MYPN: variants seen among roughly 807,000 people sequenced by gnomAD.
MYPN encodes the protein sarcomeric protein myopalladin, 145 kDa (MYOP).
A neutral mutation model predicts 129.4 loss-of-function variants in MYPN; 63 were observed. That is an observed-to-expected ratio of 0.49 (90% CI 0.40 to 0.60). MYPN has a LOEUF of 0.60. MYPN is among the 20% of genes least tolerant of loss of function. The pLI, the probability that MYPN is intolerant of heterozygous loss-of-function variation, is 0.00. For missense variants in MYPN, 1,596 were observed against 1,635.4 expected, an observed-to-expected ratio of 0.98 and a Z score of 0.42; for synonymous variants, 629 against 600.9, an observed-to-expected ratio of 1.05 and a Z score of -0.68.
At chr10:68,110,680 T>G (rs563424635) in intron 1 of MYPN, among the ~76,000 whole-genome samples, 2 of 152,298 alleles carry the variant, frequency 1.3e-5, no homozygotes, top group South Asian at 4.1e-4. Context: ...TCCTTAATAA[T>G]AACAGCTCTT....
At chr10:68,148,194 T>C (rs140789202) in intron 4 of MYPN, among the ~76,000 whole-genome samples, 159 bp from the exon 5 acceptor site, 1 of 152,338 alleles carries the variant, frequency 6.6e-6, no homozygotes, top group Non-Finnish European at 1.5e-5. Context: ...ACAAAATGTG[T>C]AGCAAAAATG....
chr10:68,185,182 G>T (rs1228461120), intron 12 of MYPN, among the ~76,000 whole-genome samples: 1 of 150,462 alleles, frequency 6.6e-6, no homozygotes, highest in Non-Finnish European at 1.5e-5. Context: ...AGGAGGGAAG[G>T]AGGGAAGGAG....
chr10:68,189,047 A>G lies in MYPN; in HGVS notation c.2846A>G (p.Lys949Arg). Residue 949 changes from lysine to arginine, a missense_variant, in exon 13 of 20, where the codon AAG becomes AGG. Physicochemically the swap from Lys to Arg is conservative, Grantham distance 26. Coordinates refer to ENST00000358913, the MANE Select transcript of MYPN (RefSeq NM_032578.4). The part of the protein sequence containing the change: ...TGKCIAPIFD[K>R]RLKHFRVTEG... ...AAGTGTATTGCTCCCATCTTTGACA[A>G]GAGACTCAAGCACTTCCGGGTCACA... The G allele has an allele frequency of 6.2e-7, 1 of 1,614,158 alleles. No individual in the cohort carries two copies. The highest frequency in any genetic ancestry group is 8.5e-7 in the Non-Finnish European group (1 of 1,180,014).
At chr10:68,148,529 G>A in intron 5 of MYPN, 62 bp downstream of exon 5, 1 of 1,333,390 alleles carries the variant, frequency 7.5e-7, no homozygotes, top group South Asian at 1.2e-5. Flanking sequence ...TGGTGACCAT[G>A]ACCATCTTGC....
intron 2 of MYPN, among the ~76,000 whole-genome samples, chr10:68,137,849 A>C (rs182991040): frequency 6.6e-6 from 1 of 152,260 alleles, no homozygotes; most frequent in Non-Finnish European, 1.5e-5. Context: ...TAATTTGTCT[A>C]TCATTTGTTC....
intron 12 of MYPN, among the ~76,000 whole-genome samples, chr10:68,184,109 T>C (rs998316701): frequency 6.6e-6 from 1 of 152,206 alleles, no homozygotes; most frequent in Non-Finnish European, 1.5e-5. Flanking sequence ...TCTATAGACC[T>C]CAGGGACTGG....
chr10:68,118,480 G>A (rs957970741), intron 1 of MYPN, among the ~76,000 whole-genome samples: 1 of 152,170 alleles, frequency 6.6e-6, no homozygotes, highest in African/African-American at 2.4e-5. Flanking sequence ...CTCATTCCAT[G>A]TTGCCTCAGT....
chr10:68,172,447 C>G (rs927852272), intron 10 of MYPN, among the ~76,000 whole-genome samples: 1 of 152,220 alleles, frequency 6.6e-6, no homozygotes, highest in Non-Finnish European at 1.5e-5. Context: ...CGTGGTTACT[C>G]ATTCAACAGT....
chr10:68,132,060 A>G (rs145682121), intron 2 of MYPN, among the ~76,000 whole-genome samples: 398 of 152,296 alleles, frequency 2.6e-3, no homozygotes, highest in African/African-American at 9.2e-3. Flanking sequence ...TGTTGGACAG[A>G]AGTGTCTTTT....
intron 2 of MYPN, among the ~76,000 whole-genome samples, chr10:68,141,087 A>C (rs991861712): frequency 4.0e-5 from 6 of 151,426 alleles, no homozygotes; most frequent in African/African-American, 1.5e-4. Flanking sequence ...CCCCAAAAAA[A>C]GGGCCAGGCG....
chr10:68,147,547 T>A (rs2042688498), intron 4 of MYPN, among the ~76,000 whole-genome samples: 1 of 152,188 alleles, frequency 6.6e-6, no homozygotes, highest in Non-Finnish European at 1.5e-5. Context: ...TCTCATCCAG[T>A]CATCTATCCA....
rs191740222 is a variant in MYPN, at chr10:68,179,617, A to T, written c.2703+4156A>T. 1.8e-3 allele frequency among the ~76,000 whole-genome samples: 268 copies of T among 152,326 alleles called. 1 individual carries two copies. The highest frequency in any genetic ancestry group is 6.3e-3 in the African/African-American group (260 of 41,570). On this transcript the variant is annotated intron_variant, in intron 12 of 19. Transcript: ENST00000358913. ...TTATACCTCATTATGGATACTACCC[A>T]CTATGGTAACAATCCAACTTAATTA...
intron 10 of MYPN, among the ~76,000 whole-genome samples, chr10:68,168,207 T>A (rs2043083709): frequency 6.6e-6 from 1 of 152,134 alleles, no homozygotes. Context: ...TTCTATTTGG[T>A]TCAGGCTGAT....
At chr10:68,127,319 CTTTTTTTT>C (rs71470508) in intron 2 of MYPN, among the ~76,000 whole-genome samples, 3 of 72,540 alleles carry the variant, frequency 4.1e-5, no homozygotes, top group Non-Finnish European at 7.2e-5. Flanking sequence ...ACACATATAT[CTTTTTTTT>C]TTTTTTTTTT....
In MYPN at chr10:68,088,512, G is replaced by A. The variant is rs557007758; in HGVS notation, c.-2+520G>A. 3.3e-4 allele frequency among the ~76,000 whole-genome samples: 50 copies of A among 152,112 alleles called. 1 individual carries two copies. The highest frequency in any genetic ancestry group is 3.7e-4 in the Non-Finnish European group (25 of 68,012). The stretch of plus-strand genomic sequence containing the variant: ...AACTGGATCAGTGATAGATTTTTAC[G>A]TTGCACATGAATAACTCCCAGTCAG... On this transcript the variant is annotated intron_variant, in intron 1 of 6. Coordinates refer to the MYPN transcript ENST00000685154.
Position 68,211,190 on chromosome 10 carries a change from A to G in MYPN, c.*735A>G, listed in dbSNP as rs1409958370. 1 of 454,074 alleles carries G rather than the reference A, an allele frequency of 2.2e-6. No individual in the cohort carries two copies. Among genetic ancestry groups the G allele is most frequent in the Non-Finnish European group, 4.4e-6 (1 of 226,796 alleles). The allele number at this position is 454,074 out of a possible 1,614,324, so 28.1% of individuals were successfully genotyped here. ...GGTGACTGTTTTTTTCTGACTTTGC[A>G]TATCCCTAGACACTAGAACTAAAGG... On this transcript the variant is annotated 3_prime_UTR_variant, in exon 20 of 20. Coordinates refer to ENST00000358913, the MANE Select transcript of MYPN (RefSeq NM_032578.4).
chr10:68,152,143 C>T (rs771620708), intron 6 of MYPN, among the ~76,000 whole-genome samples: 16 of 152,106 alleles, frequency 1.1e-4, no homozygotes, highest in Admixed American at 2.6e-4. Context: ...TAGAAAGGAA[C>T]GTCTGGATTA....
chr10:68,093,172 C>T lies in MYPN; in HGVS notation c.-2+5180C>T, dbSNP rs532330490. On this transcript the variant is annotated intron_variant, in intron 1 of 6. Transcript: ENST00000685154. The stretch of plus-strand genomic sequence containing the variant: ...GAATTTTAGGCGTGAGCCACCAGGT[C>T]CAGCTGTCTACAACATTTTTACATG... Among the ~76,000 whole-genome samples, 28 of 152,238 alleles carry T rather than the reference C, an allele frequency of 1.8e-4. No homozygotes were observed. In the South Asian group the frequency reaches 5.2e-3, roughly 28 times the overall value.
intron 6 of MYPN, among the ~76,000 whole-genome samples, chr10:68,156,778 C>T (rs1321418586): frequency 2.0e-5 from 3 of 152,126 alleles, no homozygotes; most frequent in African/African-American, 4.8e-5. Context: ...AGAGAAAAAA[C>T]GATTGGCTTT....
Sources: gnomAD v4.1 joint callset for allele counts (sites outside exome capture counted in the v4.1 genomes callset) on GRCh38, gnomAD v4.1.1 for gene constraint, MANE v1.5 for transcripts, NCBI Gene and HGNC (gene_info 2026-07-23, HGNC 2026-07-21) for gene names.